SNX25: variants seen among roughly 807,000 people sequenced by gnomAD.
SNX25 encodes sorting nexin 25.
A neutral mutation model predicts 113.7 loss-of-function variants in SNX25; 62 were observed. That is an observed-to-expected ratio of 0.55 (90% CI 0.44 to 0.67). The LOEUF is 0.67. SNX25 is among the 30% of genes least tolerant of loss of function. SNX25 has a pLI of 0.00. For missense variants in SNX25, 1,014 were observed against 1,161.0 expected, an observed-to-expected ratio of 0.87 and a Z score of 1.84; for synonymous variants, 421 against 436.2, an observed-to-expected ratio of 0.97 and a Z score of 0.43.
downstream of SNX25, chr4:185,374,384 A>G (rs1201799216): frequency 6.2e-7 from 1 of 1,614,120 alleles, no homozygotes; most frequent in Non-Finnish European, 8.5e-7. Flanking sequence ...CGAGGTTGTA[A>G]GCAGCTGCAA....
At chr4:185,370,707 G>T, downstream of SNX25, 1 of 1,614,068 alleles carries the variant, frequency 6.2e-7, no homozygotes, top group Non-Finnish European at 8.5e-7. Flanking sequence ...AAGACACCTT[G>T]CGTGGTAGAA....
intron 6 of SNX25, among the ~76,000 whole-genome samples, chr4:185,300,531 C>T (rs1286241833): frequency 6.6e-6 from 1 of 151,706 alleles, no homozygotes; most frequent in Non-Finnish European, 1.5e-5. Flanking sequence ...AAAGGTGTCC[C>T]TGCCTGAAAA....
At chr4:185,312,559 G>T (rs2095039538) in intron 7 of SNX25, among the ~76,000 whole-genome samples, 2 of 146,762 alleles carry the variant, frequency 1.4e-5, no homozygotes, top group African/African-American at 2.5e-5. Flanking sequence ...GTCTCACTCT[G>T]TCGCCCAGGC....
At chr4:185,314,324 CAAAAAA>C (rs35324892) in intron 7 of SNX25, among the ~76,000 whole-genome samples, 6 of 75,372 alleles carry the variant, frequency 8.0e-5, no homozygotes, top group Non-Finnish European at 1.5e-4. Context: ...CCCCTCTCTA[CAAAAAA>C]AAAAAAAAAA....
intron 5 of SNX25, among the ~76,000 whole-genome samples, chr4:185,271,337 T>G (rs1444007831): frequency 6.6e-6 from 1 of 152,188 alleles, no homozygotes; most frequent in Non-Finnish European, 1.5e-5. Context: ...CATCCTTTTA[T>G]AAGCAATCTC....
At chr4:185,261,825 GA>G (rs1172669140) in intron 3 of SNX25, among the ~76,000 whole-genome samples, 8 of 151,826 alleles carry the variant, frequency 5.3e-5, no homozygotes, top group Non-Finnish European at 8.8e-5. Flanking sequence ...ACAAAATAAA[GA>G]AAAAAAATCC....
At chr4:185,356,531 C>T (rs552290127) in intron 15 of SNX25, among the ~76,000 whole-genome samples, 1 of 152,116 alleles carries the variant, frequency 6.6e-6, no homozygotes, top group African/African-American at 2.4e-5. Context: ...CGTTTGATTC[C>T]GACTCCAAGA....
At chr4:185,346,801 G>A in intron 13 of SNX25, 151 bp downstream of exon 13, 1 of 577,916 alleles carries the variant, frequency 1.7e-6, no homozygotes, top group East Asian at 3.2e-5. Flanking sequence ...TTTAATTAAA[G>A]GAAAATACAC....
intron 5 of SNX25, among the ~76,000 whole-genome samples, chr4:185,280,041 C>T (rs939670855): frequency 3.3e-5 from 5 of 152,148 alleles, no homozygotes; most frequent in African/African-American, 1.2e-4. Context: ...CCACCTCAGC[C>T]TCAGCCCAGT....
Position 185,209,860 on chromosome 4 carries a change from G to GGCCCCA in SNX25, c.40_45dup (p.Ser14_Pro15dup), listed in dbSNP as rs1003614077. ...CGATGCGACCGACAGTGGCGGCGCC[G>GGCCCCA]GCCCCAGCCCCGCGCGGGCCGCAGG... On this transcript the variant is annotated inframe_insertion, in exon 1 of 19. Transcript: ENST00000652585. This position sits in a 1 kb window ranked among gnomAD's most constrained non-coding sequence, Gnocchi z 5.2. The GGCCCCA allele has an allele frequency of 2.2e-5, 22 of 983,314 alleles. No individual in the cohort carries two copies. Among genetic ancestry groups the GGCCCCA allele is most frequent in the Non-Finnish European group, 2.5e-5 (21 of 829,188 alleles). The allele number at this position is 983,314 out of a possible 1,614,324, so 60.9% of individuals were successfully genotyped here.
intron 15 of SNX25, among the ~76,000 whole-genome samples, chr4:185,354,312 T>C (rs1057080548): frequency 1.3e-5 from 2 of 152,202 alleles, no homozygotes. Flanking sequence ...GATAATTCCA[T>C]GGCCAAGGAC....
At chr4:185,376,296 G>A in the SNX25 span, among the ~76,000 whole-genome samples, 1 of 151,852 alleles carries the variant, frequency 6.6e-6, no homozygotes, top group African/African-American at 2.4e-5. Flanking sequence ...ACTTTTTTTT[G>A]AGAGGGAGTC....
At chr4:185,370,210 C>T (rs1280295439), downstream of SNX25, 2 of 164,268 alleles carry the variant, frequency 1.2e-5, no homozygotes, top group Admixed American at 1.2e-4. Context: ...TAACTGATTA[C>T]CTCAAACTCA....
At chr4:185,262,198 A>G (rs185345867) in intron 3 of SNX25, among the ~76,000 whole-genome samples, 1 of 152,304 alleles carries the variant, frequency 6.6e-6, no homozygotes, top group East Asian at 1.9e-4. Flanking sequence ...CTGTTGGGCA[A>G]TTGTTTGTGG....
chr4:185,249,721 C>T (rs1028799766), intron 2 of SNX25, among the ~76,000 whole-genome samples: 14 of 151,992 alleles, frequency 9.2e-5, no homozygotes, highest in African/African-American at 3.4e-4. Context: ...TAGTTAAGTG[C>T]ATCCAGTGAA....
chr4:185,219,256 A>G (rs1454314590), intron 1 of SNX25, among the ~76,000 whole-genome samples: 4 of 152,162 alleles, frequency 2.6e-5, no homozygotes, highest in Non-Finnish European at 5.9e-5. Context: ...TCACTTAGGC[A>G]TGTTTTTAAA....
At chr4:185,240,103 G>A (rs1183208264) in intron 1 of SNX25, among the ~76,000 whole-genome samples, 1 of 151,772 alleles carries the variant, frequency 6.6e-6, no homozygotes, top group Non-Finnish European at 1.5e-5. Context: ...AGATCAACAG[G>A]ATCCCAAGGC....
intron 11 of SNX25, among the ~76,000 whole-genome samples, chr4:185,341,020 G>A (rs1471148311): frequency 6.6e-6 from 1 of 152,154 alleles, no homozygotes; most frequent in East Asian, 1.9e-4. Context: ...ACAGTGGGGT[G>A]GTAATCCTGC....
At chr4:185,371,108 T>C (rs1401813781), downstream of SNX25, 3 of 278,170 alleles carry the variant, frequency 1.1e-5, no homozygotes, top group African/African-American at 6.3e-5. Flanking sequence ...GGAAGTTTAA[T>C]GTCACTTTGT....
Sources: allele counts gnomAD v4.1 joint callset (sites outside exome capture counted in the v4.1 genomes callset), GRCh38; gene constraint gnomAD v4.1.1; non-coding constraint Gnocchi (gnomAD v3.1); transcripts MANE v1.5; gene names NCBI Gene and HGNC (gene_info 2026-07-23, HGNC 2026-07-21).